PDGFA: variants seen among roughly 807,000 people sequenced by gnomAD.
The protein encoded by PDGFA is platelet derived growth factor subunit A, also known as platelet-derived growth factor subunit A.
PDGFA carries 9 observed loss-of-function variants against 25.6 expected under a neutral mutation model. That is an observed-to-expected ratio of 0.35 (90% CI 0.21 to 0.61). The LOEUF (loss-of-function observed/expected upper bound fraction) is 0.61, where lower values mean the gene tolerates loss of function less well. PDGFA is among the 20% of genes least tolerant of loss of function. The probability of loss-of-function intolerance (pLI) is 0.75; values close to 1 mark genes in which losing one functional copy is unlikely to be tolerated. For synonymous variants in PDGFA, 133 were observed against 111.8 expected (o/e 1.19, Z -1.20); for missense variants, 242 against 272.8 (o/e 0.89, Z 0.79).
At chr7:501,611 T>G (rs1277724058) in intron 4 of PDGFA, among the ~76,000 whole-genome samples, 1 of 152,056 alleles carries the variant, frequency 6.6e-6, no homozygotes, top group East Asian at 1.9e-4. Flanking sequence ...GTGGAAGAGA[T>G]GAGATCTCGC....
intron 2 of PDGFA, 114 bp from the exon 3 acceptor site, chr7:512,569 T>A: frequency 6.4e-7 from 1 of 1,560,154 alleles, no homozygotes; most frequent in Non-Finnish European, 8.7e-7. Context: ...AACAGGCACC[T>A]GGCGGCACAG....
At chr7:510,890 C>T in exon 4 of PDGFA, 9 of 1,612,336 alleles carry the variant, frequency 5.6e-6, no homozygotes, top group Non-Finnish European at 7.6e-6. Context: ...GTTTCACCTC[C>T]ACGCACGGGG....
upstream of PDGFA, chr7:519,919 C>T (rs1462099933): frequency 8.4e-6 from 1 of 118,382 alleles, no homozygotes; most frequent in Non-Finnish European, 1.8e-5. Context: ...CCCCCGCCCC[C>T]CCCCCCCGCC....
chr7:505,264 T>G (rs1405758782), intron 4 of PDGFA, among the ~76,000 whole-genome samples: 26 of 148,660 alleles, frequency 1.7e-4, no homozygotes, highest in African/African-American at 6.3e-4. Context: ...ATGGGGGGGG[T>G]CCCCATGTCC....
At chr7:518,391 C>G (rs1783205480) in intron 1 of PDGFA, 2 of 152,942 alleles carry the variant, frequency 1.3e-5, no homozygotes, top group Admixed American at 1.3e-4. Context: ...GACGCCTGGC[C>G]CAGCCCCAGC....
chr7:516,962 C>T (rs974239095), intron 2 of PDGFA, among the ~76,000 whole-genome samples: 2 of 151,608 alleles, frequency 1.3e-5, no homozygotes, highest in South Asian at 2.1e-4. Context: ...GCCGCCTCCG[C>T]CCGCCCGCCC....
At chr7:503,519 G>A (rs1396585090) in intron 4 of PDGFA, among the ~76,000 whole-genome samples, 1 of 152,188 alleles carries the variant, frequency 6.6e-6, no homozygotes, top group East Asian at 1.9e-4. Flanking sequence ...GCAGTCAGGA[G>A]GGTGAAGGAG....
At chr7:508,967 A>C (rs1782685984) in intron 4 of PDGFA, among the ~76,000 whole-genome samples, 1 of 152,218 alleles carries the variant, frequency 6.6e-6, no homozygotes, top group Admixed American at 6.5e-5. Context: ...CCTCAGACCC[A>C]TTGCACAGGT....
At position 510,830 on chromosome 7, in the gene PDGFA, G is replaced by A. The variant is rs149090369; in HGVS notation, c.432C>T (p.Arg144=). 7.8e-3 allele frequency: 12,447 copies of A among 1,597,372 alleles called. 630 individuals carry two copies. In the Admixed American group the frequency reaches 0.12, roughly 16 times the overall value. ...TCACCTTGACGCTGCGGTGGTGGAC[G>A]CGGGAGGGCTGGCACTTGACACTGC... Residue 144 remains arginine (R), a synonymous_variant, in exon 4 of 6, where the codon CGC becomes CGT. Transcript: ENST00000402802.
At chr7:509,262 G>A (rs1014933228) in intron 4 of PDGFA, among the ~76,000 whole-genome samples, 1 of 152,210 alleles carries the variant, frequency 6.6e-6, no homozygotes, top group African/African-American at 2.4e-5. Context: ...TTAGGAGGTG[G>A]GGTGTCTTAA....
chr7:507,284 C>T (rs1329076221), intron 4 of PDGFA, among the ~76,000 whole-genome samples: 1 of 152,238 alleles, frequency 6.6e-6, no homozygotes, highest in Non-Finnish European at 1.5e-5. Context: ...AACTGGGCCG[C>T]CAGGCTCTGC....
rs1782304413 is a variant in PDGFA at position 500,929 on chromosome 7, A to C, written c.580+187T>G. 1.3e-6 allele frequency: 2 copies of C among 1,590,482 alleles called. No homozygotes were observed. The highest frequency in any genetic ancestry group is 1.7e-6 in the Non-Finnish European group (2 of 1,175,652). On this transcript the variant is annotated intron_variant, in intron 5 of 5. Coordinates refer to ENST00000402802, the Ensembl canonical transcript of PDGFA. The surrounding 1 kb of genome is among the most constrained non-coding windows in gnomAD (Gnocchi z 5.0). ...GCTTGGGCCACCCTCCCCACCGGACACCTGCAGGTGTGGGATCCGTCTCCC... is the reference window on the plus strand; with the variant it reads ...GCTTGGGCCACCCTCCCCACCGGACCCCTGCAGGTGTGGGATCCGTCTCCC...
chr7:506,760 C>G (rs910259445), intron 4 of PDGFA, among the ~76,000 whole-genome samples: 5 of 152,286 alleles, frequency 3.3e-5, no homozygotes, highest in Middle Eastern at 3.4e-3. Context: ...ACCCACCCAG[C>G]TAGGGACCCC....
intron 2 of PDGFA, among the ~76,000 whole-genome samples, chr7:514,561 C>T (rs1261332275): frequency 6.6e-6 from 1 of 152,196 alleles, no homozygotes; most frequent in Non-Finnish European, 1.5e-5. Context: ...TAAAACTGCT[C>T]CCAGGACAGT....
At chr7:501,553 T>G (rs1169356835) in intron 4 of PDGFA, among the ~76,000 whole-genome samples, 4 of 152,244 alleles carry the variant, frequency 2.6e-5, no homozygotes, top group African/African-American at 9.6e-5. Flanking sequence ...GCCTCCCACC[T>G]GTAAGCACAG....
chr7:498,181 T>C, exon 6 of PDGFA: 1 of 233,282 alleles, frequency 4.3e-6, no homozygotes, highest in Non-Finnish European at 8.4e-6. Context: ...AAAAAGCACC[T>C]GTGACCACCC....
chr7:511,640 G>T (rs1455183224), intron 3 of PDGFA, among the ~76,000 whole-genome samples: 2 of 152,142 alleles, frequency 1.3e-5, no homozygotes, highest in Non-Finnish European at 2.9e-5. Context: ...CAGAGAGGGG[G>T]GTCCACCTGC....
chr7:501,612 G>A (rs1473162476), intron 4 of PDGFA, among the ~76,000 whole-genome samples: 1 of 152,068 alleles, frequency 6.6e-6, no homozygotes, highest in East Asian at 1.9e-4. Flanking sequence ...TGGAAGAGAT[G>A]AGATCTCGCT....
intron 2 of PDGFA, 186 bp from the exon 3 acceptor site, chr7:512,641 C>T: frequency 6.6e-7 from 1 of 1,525,916 alleles, no homozygotes. Context: ...CCAGGGCTTT[C>T]CAGAGATGCA....
Sources: allele counts gnomAD v4.1 joint callset (sites outside exome capture counted in the v4.1 genomes callset), GRCh38; gene constraint gnomAD v4.1.1; non-coding constraint Gnocchi (gnomAD v3.1); transcripts MANE v1.5; gene names NCBI Gene and HGNC (gene_info 2026-07-23, HGNC 2026-07-21).